The following ADGRL3 variants were observed in gnomAD, a reference collection of about 807,000 sequenced individuals.
ADGRL3 encodes the protein calcium-independent alpha-latrotoxin receptor 3.
A neutral mutation model predicts 153.5 loss-of-function variants in ADGRL3; 62 were observed. That is an observed-to-expected ratio of 0.40 (90% CI 0.33 to 0.50). The LOEUF is 0.50. ADGRL3 is among the 20% of genes least tolerant of loss of function. The pLI, the probability that ADGRL3 is intolerant of heterozygous loss-of-function variation, is 0.47. For missense variants in ADGRL3, 1,641 were observed against 1,859.4 expected (o/e 0.88, Z 2.16); for synonymous variants, 710 against 672.5 (o/e 1.06, Z -0.86).
intron 25 of ADGRL3, among the ~76,000 whole-genome samples, chr4:62,054,395 G>A (rs1234046836): frequency 6.6e-6 from 1 of 151,560 alleles, no homozygotes; most frequent in African/African-American, 2.4e-5. Flanking sequence ...TCCTACCACT[G>A]TTGGCTTAAG....
intron 1 of ADGRL3, among the ~76,000 whole-genome samples, chr4:61,382,267 T>C (rs1047820794): frequency 2.6e-5 from 4 of 151,344 alleles, no homozygotes; most frequent in African/African-American, 9.6e-5. Context: ...TAATAATAAT[T>C]AACTAATACA....
chr4:61,332,722 C>T (rs767918751), intron 1 of ADGRL3, among the ~76,000 whole-genome samples: 2 of 151,958 alleles, frequency 1.3e-5, no homozygotes, highest in African/African-American at 2.4e-5. Context: ...TGGTCAATGC[C>T]GGTGACCAAA....
intron 2 of ADGRL3, among the ~76,000 whole-genome samples, chr4:61,386,759 G>GA (rs905556435): frequency 3.9e-5 from 6 of 152,152 alleles, no homozygotes; most frequent in South Asian, 2.1e-4. Flanking sequence ...GCCTTAATCA[G>GA]AAAAAATAAG....
chr4:61,930,017 A>G (rs901195699), intron 13 of ADGRL3, among the ~76,000 whole-genome samples: 2 of 152,180 alleles, frequency 1.3e-5, no homozygotes, highest in Non-Finnish European at 2.9e-5. Flanking sequence ...GTACTAAAAA[A>G]TACAAAAAAT....
At chr4:61,692,490 T>C (rs985116929) in intron 6 of ADGRL3, among the ~76,000 whole-genome samples, 28 of 151,276 alleles carry the variant, frequency 1.9e-4, no homozygotes, top group African/African-American at 6.3e-4. Flanking sequence ...TCACCTAGGT[T>C]GGTGTGCAAT....
chr4:61,718,035 T>C (rs1370526595), intron 6 of ADGRL3, among the ~76,000 whole-genome samples: 1 of 151,626 alleles, frequency 6.6e-6, no homozygotes, highest in Non-Finnish European at 1.5e-5. Flanking sequence ...TCAAAATAAA[T>C]AAATAAAATA....
intron 8 of ADGRL3, among the ~76,000 whole-genome samples, chr4:61,798,185 G>C (rs762777693): frequency 1.3e-5 from 2 of 151,924 alleles, no homozygotes; most frequent in Non-Finnish European, 2.9e-5. Flanking sequence ...GTACTTATTA[G>C]TAATAAAATA....
intron 1 of ADGRL3, among the ~76,000 whole-genome samples, chr4:61,269,273 G>T (rs2093025540): frequency 6.6e-6 from 1 of 151,490 alleles, no homozygotes; most frequent in South Asian, 2.1e-4. Context: ...CTTTTTAATA[G>T]CTTTTTGCCT....
At chr4:61,219,286 A>G (rs1433502129) in intron 1 of ADGRL3, among the ~76,000 whole-genome samples, 1 of 152,214 alleles carries the variant, frequency 6.6e-6, no homozygotes, top group Non-Finnish European at 1.5e-5. Flanking sequence ...TGTATAAGAT[A>G]TGGTTGCAAT....
At chr4:61,635,509 T>C (rs2093379483) in intron 5 of ADGRL3, among the ~76,000 whole-genome samples, 1 of 152,102 alleles carries the variant, frequency 6.6e-6, no homozygotes, top group South Asian at 2.1e-4. Context: ...ATACCTCTCA[T>C]GCATCCGAGG....
At chr4:61,340,031 G>A (rs567422522) in intron 1 of ADGRL3, among the ~76,000 whole-genome samples, 1 of 152,320 alleles carries the variant, frequency 6.6e-6, no homozygotes, top group African/African-American at 2.4e-5. Context: ...GCTGTGTAAA[G>A]AGTGTGAAGT....
chr4:61,352,935 A>G (rs2096078765), intron 1 of ADGRL3, among the ~76,000 whole-genome samples: 1 of 152,208 alleles, frequency 6.6e-6, no homozygotes, highest in Non-Finnish European at 1.5e-5. Flanking sequence ...AATTGAAAAT[A>G]TTCCAAGTGT....
chr4:61,451,827 A>G (rs1023573483), intron 2 of ADGRL3, among the ~76,000 whole-genome samples: 10 of 152,090 alleles, frequency 6.6e-5, no homozygotes, highest in African/African-American at 2.4e-4. Flanking sequence ...CTCCTTAATC[A>G]TTTTTTATTT....
At chr4:61,805,232 G>A (rs569472537) in intron 8 of ADGRL3, among the ~76,000 whole-genome samples, 13 of 152,118 alleles carry the variant, frequency 8.5e-5, no homozygotes, top group South Asian at 6.2e-4. Context: ...ATGAGCCACC[G>A]CGCCTGGCCT....
chr4:61,257,091 C>T (rs2092040210), intron 1 of ADGRL3, among the ~76,000 whole-genome samples: 1 of 152,094 alleles, frequency 6.6e-6, no homozygotes, highest in South Asian at 2.1e-4. Flanking sequence ...ATAAATCTTG[C>T]CCATAGTTCT....
intron 8 of ADGRL3, among the ~76,000 whole-genome samples, chr4:61,770,868 C>G (rs2097076442): frequency 6.6e-6 from 1 of 152,156 alleles, no homozygotes. Context: ...AATTGTTACA[C>G]AAAGCCTTTC....
intron 17 of ADGRL3, among the ~76,000 whole-genome samples, chr4:61,977,936 T>TG (rs1284058322): frequency 6.6e-6 from 1 of 152,114 alleles, no homozygotes; most frequent in Non-Finnish European, 1.5e-5. Context: ...TTTCTACCAT[T>TG]GCCCCCTCCC....
chr4:61,624,360 A>G (rs765350313), intron 5 of ADGRL3, among the ~76,000 whole-genome samples: 1 of 152,132 alleles, frequency 6.6e-6, no homozygotes, highest in Non-Finnish European at 1.5e-5. Flanking sequence ...AGAATGGGAT[A>G]TAGAAAATGA....
At position 61,314,789 on chromosome 4, in the gene ADGRL3, A is replaced by G. The variant is rs138486472; in HGVS notation, c.-239-68335A>G. 2.4e-3 allele frequency among the ~76,000 whole-genome samples: 373 copies of G among 152,308 alleles called. 1 individual carries two copies. The highest frequency in any genetic ancestry group is 3.4e-3 in the Middle Eastern group (1 of 294). ...GGAATCTAGTGAGTACAGTTCAGGA[A>G]GGCTGCTTAACGTTCTATAATGCAT... is the stretch of plus-strand genomic sequence containing the variant. On this transcript the variant is annotated intron_variant, in intron 1 of 26. Coordinates refer to ENST00000683033, the MANE Select transcript of ADGRL3 (RefSeq NM_001387552.1).
Sources: allele counts gnomAD v4.1 joint callset (sites outside exome capture counted in the v4.1 genomes callset), GRCh38; gene constraint gnomAD v4.1.1; transcripts MANE v1.5; gene names NCBI Gene and HGNC (gene_info 2026-07-23, HGNC 2026-07-21).